The following CHD9NB variants were observed in gnomAD, a reference collection of about 807,000 sequenced individuals.
The protein encoded by CHD9NB is CHD9 neighbor protein.
chr16:53,043,872 C>A, the CHD9NB span: 1 of 397,452 alleles, frequency 2.5e-6, no homozygotes, highest in Non-Finnish European at 4.4e-6. Flanking sequence ...AAGCCTGAAT[C>A]CCAAAGCTGG....
At chr16:53,039,007 G>A in the CHD9NB span, among the ~76,000 whole-genome samples, 1 of 151,806 alleles carries the variant, frequency 6.6e-6, no homozygotes, top group African/African-American at 2.4e-5. Context: ...CTTTAAACCT[G>A]CCCCTCCTTG....
At chr16:53,045,470 T>G in the CHD9NB span, among the ~76,000 whole-genome samples, 2 of 152,230 alleles carry the variant, frequency 1.3e-5, no homozygotes, top group Non-Finnish European at 2.9e-5. Flanking sequence ...ACTCTTGTGC[T>G]CTATAGTTGA....
At chr16:53,052,111 G>C in the CHD9NB span, among the ~76,000 whole-genome samples, 1 of 151,166 alleles carries the variant, frequency 6.6e-6, no homozygotes, top group Non-Finnish European at 1.5e-5. Context: ...AGGTATGGCA[G>C]CTTGTGTCTA....
At chr16:53,048,758 G>A in the CHD9NB span, among the ~76,000 whole-genome samples, 2 of 152,204 alleles carry the variant, frequency 1.3e-5, no homozygotes, top group Non-Finnish European at 2.9e-5. Flanking sequence ...TAACAGCTAT[G>A]ACTATAGGTC....
At chr16:53,036,055 T>A in the CHD9NB span, 3 of 152,002 alleles carry the variant, frequency 2.0e-5, no homozygotes, top group Non-Finnish European at 2.9e-5. Context: ...CTTCAAACCC[T>A]ATTTCCAAAT....
the CHD9NB span, among the ~76,000 whole-genome samples, chr16:53,042,553 C>G: frequency 2.0e-5 from 3 of 149,198 alleles, no homozygotes; most frequent in Admixed American, 2.0e-4. Context: ...TTCCCTCCCT[C>G]CCTTCTCCCA....
At chr16:53,044,059 G>A in the CHD9NB span, 2 of 398,686 alleles carry the variant, frequency 5.0e-6, no homozygotes, top group South Asian at 1.3e-4. Flanking sequence ...TCTGCTGCCT[G>A]GGTGCCGGTC....
chr16:53,046,391 C>T, the CHD9NB span, among the ~76,000 whole-genome samples: 8 of 151,882 alleles, frequency 5.3e-5, no homozygotes, highest in African/African-American at 1.7e-4. Context: ...GAAAACTTGG[C>T]TTGCAGCTGG....
At chr16:53,038,969 AC>A in the CHD9NB span, among the ~76,000 whole-genome samples, 1 of 151,672 alleles carries the variant, frequency 6.6e-6, no homozygotes, top group Non-Finnish European at 1.5e-5. Flanking sequence ...CAAACTCAAC[AC>A]CCCTAAAACT....
the CHD9NB span, among the ~76,000 whole-genome samples, chr16:53,039,203 A>G: frequency 6.6e-6 from 1 of 152,190 alleles, no homozygotes; most frequent in East Asian, 1.9e-4. Flanking sequence ...AAACAAACAA[A>G]CAAAAAGAGT....
the CHD9NB span, among the ~76,000 whole-genome samples, chr16:53,049,921 C>T: frequency 3.3e-5 from 5 of 152,064 alleles, no homozygotes; most frequent in Non-Finnish European, 1.5e-5. Flanking sequence ...CTGCTTCCTG[C>T]GACCGGGCAC....
At chr16:53,045,183 G>A in the CHD9NB span, among the ~76,000 whole-genome samples, 4 of 152,102 alleles carry the variant, frequency 2.6e-5, no homozygotes, top group South Asian at 4.1e-4. Flanking sequence ...GGCTGATCTC[G>A]AATTCCTGGG....
the CHD9NB span, among the ~76,000 whole-genome samples, chr16:53,037,266 G>C: frequency 1.3e-5 from 2 of 152,148 alleles, no homozygotes; most frequent in African/African-American, 4.8e-5. Flanking sequence ...TTGTGCCTCA[G>C]CTTCTTCCCT....
chr16:53,051,572 G>C, the CHD9NB span, among the ~76,000 whole-genome samples: 1 of 135,386 alleles, frequency 7.4e-6, no homozygotes, highest in South Asian at 2.6e-4. Context: ...TGAACAATGA[G>C]AACACTTGGA....
chr16:53,038,656 A>C, the CHD9NB span, among the ~76,000 whole-genome samples: 3 of 152,106 alleles, frequency 2.0e-5, no homozygotes, highest in Non-Finnish European at 4.4e-5. Flanking sequence ...CAGTCTTGAC[A>C]CATAAAATTA....
the CHD9NB span, among the ~76,000 whole-genome samples, chr16:53,048,498 A>G: frequency 2.1e-4 from 32 of 152,270 alleles, no homozygotes; most frequent in African/African-American, 7.5e-4. Context: ...CCAGGACCCT[A>G]GGGGGGCTTA....
At chr16:53,046,405 T>C in the CHD9NB span, among the ~76,000 whole-genome samples, 1 of 151,860 alleles carries the variant, frequency 6.6e-6, no homozygotes, top group African/African-American at 2.4e-5. Context: ...CAGCTGGGCA[T>C]GGTGGCTTAT....
At chr16:53,039,876 T>G in the CHD9NB span, among the ~76,000 whole-genome samples, 18 of 151,906 alleles carry the variant, frequency 1.2e-4, no homozygotes, top group Admixed American at 3.3e-4. Flanking sequence ...CCCCACCCAA[T>G]CATGTAAACT....
At chr16:53,049,465 C>G in the CHD9NB span, among the ~76,000 whole-genome samples, 1 of 152,068 alleles carries the variant, frequency 6.6e-6, no homozygotes, top group African/African-American at 2.4e-5. Context: ...CATGAGCCAC[C>G]GCACCTGGAG....
Sources: gnomAD v4.1 joint callset for allele counts (sites outside exome capture counted in the v4.1 genomes callset) on GRCh38, gnomAD v4.1.1 for gene constraint, MANE v1.5 for transcripts, NCBI Gene and HGNC (gene_info 2026-07-23, HGNC 2026-07-21) for gene names.